Variants in ELF1 observed in about 807,000 individuals in gnomAD.
ELF1 encodes the protein ETS-related transcription factor Elf-1.
ELF1 carries 24 observed loss-of-function variants against 59.9 expected under a neutral mutation model. The observed-to-expected ratio is 0.40, with a 90% CI of 0.29 to 0.56. The LOEUF (loss-of-function observed/expected upper bound fraction) is 0.56, where lower values mean the gene tolerates loss of function less well. ELF1 is among the 20% of genes least tolerant of loss of function. The pLI is 0.44. For synonymous variants in ELF1, 248 were observed against 266.2 expected, an observed-to-expected ratio of 0.93 and a Z score of 0.67; for missense variants, 627 against 742.2, an observed-to-expected ratio of 0.84 and a Z score of 1.80.
chr13:41,014,653 T>G (rs1040191587), intron 1 of ELF1, among the ~76,000 whole-genome samples: 4 of 152,146 alleles, frequency 2.6e-5, no homozygotes, highest in South Asian at 2.1e-4. Context: ...TGGAGTTGAC[T>G]CAATAATGGT....
At chr13:41,010,988 T>C (rs753220275) in intron 1 of ELF1, among the ~76,000 whole-genome samples, 6 of 152,244 alleles carry the variant, frequency 3.9e-5, no homozygotes, top group Non-Finnish European at 7.3e-5. Context: ...TTGAAAGCTT[T>C]ACCTGAAGAA....
intron 1 of ELF1, among the ~76,000 whole-genome samples, chr13:41,057,398 T>C (rs191362998): frequency 7.9e-5 from 12 of 152,032 alleles, no homozygotes; most frequent in East Asian, 1.9e-4. Flanking sequence ...TTCTCTTTTT[T>C]TTCCCCCCAC....
intron 1 of ELF1, among the ~76,000 whole-genome samples, chr13:40,994,640 C>A (rs1486775629): frequency 6.6e-6 from 1 of 152,114 alleles, no homozygotes; most frequent in East Asian, 1.9e-4. Context: ...AAGACTCAGT[C>A]TCAAAAAGAA....
intron 1 of ELF1, among the ~76,000 whole-genome samples, chr13:41,031,310 G>A (rs971294377): frequency 1.1e-4 from 16 of 152,106 alleles, no homozygotes; most frequent in African/African-American, 3.6e-4. Flanking sequence ...GAACTGTATC[G>A]TACAGCTTCT....
At chr13:40,977,082 T>C (rs1872957336) in intron 2 of ELF1, among the ~76,000 whole-genome samples, 1 of 152,182 alleles carries the variant, frequency 6.6e-6, no homozygotes, top group Non-Finnish European at 1.5e-5. Flanking sequence ...AAAAATACAG[T>C]GTTTTTTTCA....
chr13:41,041,791 G>GT (rs1364979632), intron 1 of ELF1, among the ~76,000 whole-genome samples: 2 of 152,014 alleles, frequency 1.3e-5, no homozygotes, highest in South Asian at 2.1e-4. Flanking sequence ...AGATTCAACT[G>GT]TAAGTCTTAG....
intron 1 of ELF1, among the ~76,000 whole-genome samples, chr13:41,044,389 A>C (rs1876752758): frequency 6.6e-6 from 1 of 152,206 alleles, no homozygotes; most frequent in African/African-American, 2.4e-5. Context: ...TTCAAAGGGA[A>C]TGCTTCCAGT....
intron 1 of ELF1, among the ~76,000 whole-genome samples, chr13:41,047,598 T>C (rs1876909277): frequency 1.3e-5 from 2 of 152,234 alleles, no homozygotes; most frequent in Non-Finnish European, 1.5e-5. Flanking sequence ...ACAGAGAATA[T>C]TGCTGAACAG....
rs55938711 is a variant in ELF1, at chr13:41,000,237, C to CTT, written c.-228-17957_-228-17956dup. The stretch of plus-strand genomic sequence containing the variant: ...CCAAATGAGGCTGCATTGAACCTGG[C>CTT]TTTTTTTTTTTTTTTTTTTTTTTTT... On this transcript the variant is annotated intron_variant, in intron 1 of 8. Coordinates refer to ENST00000239882, the MANE Select transcript of ELF1 (RefSeq NM_172373.4). 3.5e-4 allele frequency among the ~76,000 whole-genome samples: 19 copies of CTT among 54,754 alleles called. 1 individual carries two copies. Among genetic ancestry groups the CTT allele is most frequent in the African/African-American group, 1.1e-3 (14 of 12,988 alleles). 35.9% of individuals were successfully genotyped at this position (54,754 alleles called of 152,430 possible).
chr13:41,018,004 A>G (rs745996354), intron 1 of ELF1, among the ~76,000 whole-genome samples: 1 of 152,204 alleles, frequency 6.6e-6, no homozygotes, highest in Non-Finnish European at 1.5e-5. Flanking sequence ...AATCCTTACA[A>G]AAGAGTAAGA....
intron 5 of ELF1, among the ~76,000 whole-genome samples, chr13:40,949,004 A>T: frequency 6.6e-6 from 1 of 152,092 alleles, no homozygotes; most frequent in Non-Finnish European, 1.5e-5. Context: ...TATTTTTTTG[A>T]GATGGAGTTT....
At chr13:41,002,239 G>A (rs1438909229) in intron 1 of ELF1, among the ~76,000 whole-genome samples, 2 of 152,140 alleles carry the variant, frequency 1.3e-5, no homozygotes, top group Non-Finnish European at 2.9e-5. Context: ...GTGACACTGT[G>A]TACTGGGATT....
At chr13:41,060,126 G>A (rs573390097) in intron 1 of ELF1, among the ~76,000 whole-genome samples, 1 of 152,208 alleles carries the variant, frequency 6.6e-6, no homozygotes, top group Non-Finnish European at 1.5e-5. Flanking sequence ...CAGGCGCCGC[G>A]GGTGGAGACG....
At chr13:41,047,381 G>A (rs1566199972) in intron 1 of ELF1, among the ~76,000 whole-genome samples, 1 of 152,208 alleles carries the variant, frequency 6.6e-6, no homozygotes, top group Non-Finnish European at 1.5e-5. Context: ...TGGTTTTTCT[G>A]CTCTGTTTTT....
chr13:41,031,168 AAAG>A (rs1401056039), intron 1 of ELF1, among the ~76,000 whole-genome samples: 3 of 147,250 alleles, frequency 2.0e-5, no homozygotes, highest in African/African-American at 8.0e-5. Flanking sequence ...AAAAAAAAAA[AAAG>A]AAAGAAAGAA....
Position 40,965,635 on chromosome 13 carries a change from A to AT in ELF1, c.73-6620_73-6619insA, listed in dbSNP as rs202065726. Among the ~76,000 whole-genome samples, 592 of 152,218 alleles carry AT rather than the reference A, an allele frequency of 3.9e-3. 23 individuals are homozygous for AT. The East Asian group carries it at 0.098, about 25-fold the overall frequency. On this transcript the variant is annotated intron_variant, in intron 2 of 8. Transcript: ENST00000239882. ...GATTTCATCTCAAAGAAAAAAAAAAAGAAATGAAGGTTTCAATGCTTCTTT... is the reference window on the plus strand; with the variant it reads ...GATTTCATCTCAAAGAAAAAAAAAAATGAAATGAAGGTTTCAATGCTTCTTT...
intron 1 of ELF1, among the ~76,000 whole-genome samples, chr13:41,046,860 G>C (rs1566199743): frequency 6.6e-6 from 1 of 152,142 alleles, no homozygotes; most frequent in East Asian, 1.9e-4. Flanking sequence ...AGTTCTCCTG[G>C]ATTATATCCT....
intron 1 of ELF1, among the ~76,000 whole-genome samples, chr13:41,017,587 C>CACCCG: frequency 6.6e-6 from 1 of 151,964 alleles, no homozygotes; most frequent in Admixed American, 6.5e-5. Context: ...CTTTTTACCC[C>CACCCG]CCCTTCTCCC....
chr13:41,016,914 C>CAAAAAAAA, intron 1 of ELF1, among the ~76,000 whole-genome samples: 1 of 12,908 alleles, frequency 7.7e-5, no homozygotes, highest in African/African-American at 2.5e-4. Context: ...AACTCCGTCT[C>CAAAAAAAA]AAAAAAAAAA....
Sources: allele counts gnomAD v4.1 joint callset (sites outside exome capture counted in the v4.1 genomes callset), GRCh38; gene constraint gnomAD v4.1.1; transcripts MANE v1.5; gene names NCBI Gene and HGNC (gene_info 2026-07-23, HGNC 2026-07-21).